The following SLCO6A1 variants were observed in gnomAD, a reference collection of about 807,000 sequenced individuals.
SLCO6A1 encodes the protein solute carrier organic anion transporter family member 6A1.
A neutral mutation model predicts 72.7 loss-of-function variants in SLCO6A1; 65 were observed. The observed-to-expected ratio is 0.89, with a 90% CI of 0.73 to 1.10. The LOEUF is 1.10. Ranked by LOEUF, SLCO6A1 falls within the 50% of genes least tolerant of loss-of-function variation. The pLI is 0.00. For missense variants in SLCO6A1, 874 were observed against 872.6 expected (o/e 1.00, Z -0.02); for synonymous variants, 314 against 298.2 (o/e 1.05, Z -0.55).
intron 1 of SLCO6A1, among the ~76,000 whole-genome samples, chr5:102,484,654 A>G (rs1580515937): frequency 6.6e-6 from 1 of 152,146 alleles, no homozygotes; most frequent in African/African-American, 2.4e-5. Context: ...CTGTCAAAAA[A>G]AAAAGGTCAT....
chr5:102,472,286 T>C (rs1471484582), intron 4 of SLCO6A1, among the ~76,000 whole-genome samples: 1 of 152,132 alleles, frequency 6.6e-6, no homozygotes, highest in Non-Finnish European at 1.5e-5. Flanking sequence ...ACCAAAACGT[T>C]ATACTAGCTG....
At chr5:102,450,408 A>C (rs1750351622) in intron 6 of SLCO6A1, among the ~76,000 whole-genome samples, 1 of 152,196 alleles carries the variant, frequency 6.6e-6, no homozygotes, top group Non-Finnish European at 1.5e-5. Context: ...AAGTATTTTC[A>C]GTGTTGAAGT....
intron 6 of SLCO6A1, 116 bp from the exon 7 acceptor site, chr5:102,438,877 A>G (rs1192930125): frequency 2.4e-5 from 14 of 580,346 alleles, no homozygotes; most frequent in Non-Finnish European, 2.6e-6. Context: ...ATCTAAACTG[A>G]AAAGATAATT....
intron 6 of SLCO6A1, among the ~76,000 whole-genome samples, chr5:102,445,574 T>C (rs1001170040): frequency 6.6e-6 from 1 of 152,236 alleles, no homozygotes; most frequent in Non-Finnish European, 1.5e-5. Context: ...ACGCTTTAGT[T>C]TAATTAAGTC....
At chr5:102,496,227 G>A (rs1355389650) in intron 1 of SLCO6A1, among the ~76,000 whole-genome samples, 2 of 152,178 alleles carry the variant, frequency 1.3e-5, no homozygotes, top group Non-Finnish European at 2.9e-5. Flanking sequence ...AGGAACAAAT[G>A]TGGTAAAATG....
intron 9 of SLCO6A1, among the ~76,000 whole-genome samples, chr5:102,406,722 A>C (rs1332109162): frequency 1.3e-5 from 2 of 152,184 alleles, no homozygotes; most frequent in Non-Finnish European, 2.9e-5. Context: ...AATTATGTAG[A>C]ATTTCACCAG....
At chr5:102,480,150 G>T in intron 2 of SLCO6A1, 27 bp downstream of exon 2, 1 of 1,565,618 alleles carries the variant, frequency 6.4e-7, no homozygotes, top group Non-Finnish European at 8.7e-7. Flanking sequence ...TTGATTTGAT[G>T]TATGACAGTA....
At chr5:102,373,021 C>T (rs964665377) in intron 13 of SLCO6A1, among the ~76,000 whole-genome samples, 2 of 151,630 alleles carry the variant, frequency 1.3e-5, no homozygotes, top group Non-Finnish European at 3.0e-5. Flanking sequence ...AAAAAGGGAA[C>T]CTAATTAATT....
chr5:102,386,530 G>A (rs1437892566), intron 12 of SLCO6A1, among the ~76,000 whole-genome samples: 2 of 152,100 alleles, frequency 1.3e-5, no homozygotes, highest in African/African-American at 2.4e-5. Flanking sequence ...GGGAATACAG[G>A]GGACAGGTCT....
chr5:102,484,284 C>T (rs1300831931), intron 1 of SLCO6A1, among the ~76,000 whole-genome samples: 1 of 152,146 alleles, frequency 6.6e-6, no homozygotes, highest in Non-Finnish European at 1.5e-5. Context: ...AGATTTCCAT[C>T]TTTGAGGGTT....
chr5:102,444,437 A>C (rs1403942793), intron 6 of SLCO6A1, among the ~76,000 whole-genome samples: 1 of 152,130 alleles, frequency 6.6e-6, no homozygotes, highest in African/African-American at 2.4e-5. Flanking sequence ...TAAAGAGGAG[A>C]CCAATAAATC....
chr5:102,438,839 ATC>A, intron 6 of SLCO6A1, 78 bp from the exon 7 acceptor site: 2 of 1,047,516 alleles, frequency 1.9e-6, no homozygotes, highest in Non-Finnish European at 2.6e-6. Flanking sequence ...AATGCTAATG[ATC>A]TGTCTACAAA....
At chr5:102,432,172 G>C (rs965536138) in intron 7 of SLCO6A1, among the ~76,000 whole-genome samples, 2 of 151,978 alleles carry the variant, frequency 1.3e-5, no homozygotes, top group Admixed American at 1.3e-4. Context: ...CATATCATTC[G>C]GTCTTGCTTT....
chr5:102,457,091 A>G (rs1160111359), intron 6 of SLCO6A1, among the ~76,000 whole-genome samples: 4 of 152,210 alleles, frequency 2.6e-5, no homozygotes, highest in East Asian at 1.9e-4. Context: ...CACCTTATAC[A>G]AAAATTAATT....
At chr5:102,391,276 A>T in intron 10 of SLCO6A1, 1 of 465,406 alleles carries the variant, frequency 2.1e-6, no homozygotes, top group Non-Finnish European at 3.8e-6. Context: ...CCAAAGAAGA[A>T]GGTTTTTATG....
intron 10 of SLCO6A1, among the ~76,000 whole-genome samples, chr5:102,398,397 C>G (rs1269743556): frequency 6.6e-6 from 1 of 152,022 alleles, no homozygotes; most frequent in Non-Finnish European, 1.5e-5. Context: ...AGGCTGGTCT[C>G]GAATTCCTGA....
chr5:102,378,000 ATATT>A (rs1442801708), intron 12 of SLCO6A1, among the ~76,000 whole-genome samples: 1 of 151,378 alleles, frequency 6.6e-6, no homozygotes, highest in Non-Finnish European at 1.5e-5. Flanking sequence ...TGCTTATTGA[ATATT>A]TATATAATTT....
At chr5:102,384,128 A>G (rs1746274637) in intron 12 of SLCO6A1, among the ~76,000 whole-genome samples, 1 of 151,478 alleles carries the variant, frequency 6.6e-6, no homozygotes, top group Admixed American at 6.6e-5. Flanking sequence ...CAAAAATCCA[A>G]CTCTTTATTT....
At chr5:102,494,744 AC>A (rs1336459245) in intron 1 of SLCO6A1, among the ~76,000 whole-genome samples, 3 of 152,326 alleles carry the variant, frequency 2.0e-5, no homozygotes, top group African/African-American at 7.2e-5. Context: ...TTAAGAACTG[AC>A]AATACCAACT....
Sources: allele counts gnomAD v4.1 joint callset (sites outside exome capture counted in the v4.1 genomes callset), GRCh38; gene constraint gnomAD v4.1.1; transcripts MANE v1.5; gene names NCBI Gene and HGNC (gene_info 2026-07-23, HGNC 2026-07-21).